Variants in CTNNBL1 observed in about 807,000 individuals in gnomAD.
CTNNBL1 encodes beta-catenin-like protein 1.
A neutral mutation model predicts 72.7 loss-of-function variants in CTNNBL1; 31 were observed. The ratio of observed to expected loss-of-function variants is 0.43; its 90% CI spans 0.32 to 0.58. The LOEUF (loss-of-function observed/expected upper bound fraction) is 0.58. CTNNBL1 is among the 20% of genes least tolerant of loss of function. CTNNBL1 has a pLI of 0.08. For synonymous variants in CTNNBL1, 240 were observed against 267.3 expected, an observed-to-expected ratio of 0.90 and a Z score of 1.00; for missense variants, 534 against 725.1, an observed-to-expected ratio of 0.74 and a Z score of 3.03.
intron 10 of CTNNBL1, among the ~76,000 whole-genome samples, chr20:37,788,306 AAAG>A (rs1159855381): frequency 6.6e-6 from 1 of 152,158 alleles, no homozygotes; most frequent in African/African-American, 2.4e-5. Context: ...GTATCTAGCA[AAAG>A]ATACACCTTT....
intron 4 of CTNNBL1, among the ~76,000 whole-genome samples, chr20:37,755,403 G>T (rs2073355419): frequency 6.6e-6 from 1 of 152,062 alleles, no homozygotes; most frequent in Non-Finnish European, 1.5e-5. Context: ...TCTGTATCAG[G>T]CATATATGTT....
chr20:37,786,350 G>A (rs2122705023), intron 10 of CTNNBL1, among the ~76,000 whole-genome samples: 1 of 152,316 alleles, frequency 6.6e-6, no homozygotes, highest in South Asian at 2.1e-4. Flanking sequence ...CTTCAGGACA[G>A]CAAGTTCCCC....
At chr20:37,706,403 A>G (rs934479549) in intron 1 of CTNNBL1, among the ~76,000 whole-genome samples, 6 of 152,228 alleles carry the variant, frequency 3.9e-5, no homozygotes, top group Non-Finnish European at 8.8e-5. Flanking sequence ...AAGTTCATGT[A>G]ATATTCTAAA....
At chr20:37,856,560 G>A (rs563056800) in intron 13 of CTNNBL1, among the ~76,000 whole-genome samples, 2 of 152,222 alleles carry the variant, frequency 1.3e-5, no homozygotes, top group South Asian at 2.1e-4. Context: ...GGGCTGGGCT[G>A]GGGTGAGGGG....
intron 1 of CTNNBL1, among the ~76,000 whole-genome samples, chr20:37,719,077 T>C (rs2073018312): frequency 6.6e-6 from 1 of 152,208 alleles, no homozygotes; most frequent in African/African-American, 2.4e-5. Context: ...CTGAATATCC[T>C]TGATGCCACC....
chr20:37,867,409 C>G (rs924709525), intron 15 of CTNNBL1, among the ~76,000 whole-genome samples: 12 of 152,252 alleles, frequency 7.9e-5, no homozygotes, highest in Non-Finnish European at 1.6e-4. Context: ...CCCCAGTGCC[C>G]CCTCCCTCTC....
chr20:37,802,101 A>G (rs2073828181), intron 10 of CTNNBL1, among the ~76,000 whole-genome samples: 1 of 152,258 alleles, frequency 6.6e-6, no homozygotes. Context: ...CATAATAGCC[A>G]AAGGGTGGAA....
intron 7 of CTNNBL1, among the ~76,000 whole-genome samples, chr20:37,768,797 CTG>C (rs1409331866): frequency 1.3e-5 from 2 of 151,954 alleles, no homozygotes; most frequent in East Asian, 3.9e-4. Context: ...TCTTTTGAAA[CTG>C]AGTCTCACTC....
chr20:37,739,078 CTGTGTGTGTGTGTGTGTGTGTGTG>C (rs34184566), intron 3 of CTNNBL1, among the ~76,000 whole-genome samples: 2 of 147,342 alleles, frequency 1.4e-5, no homozygotes, highest in Non-Finnish European at 3.0e-5. Flanking sequence ...TACAGGAGCA[CTGTGTGTGTGTGTGTGTGTGTGTG>C]TGTGTGTGTG....
chr20:37,742,925 T>C (rs968916937), intron 3 of CTNNBL1, among the ~76,000 whole-genome samples: 2 of 152,080 alleles, frequency 1.3e-5, no homozygotes, highest in African/African-American at 4.8e-5. Flanking sequence ...TGCCTCAGCT[T>C]CTCGAGTAGC....
intron 3 of CTNNBL1, among the ~76,000 whole-genome samples, chr20:37,742,028 G>A (rs1242943300): frequency 6.6e-6 from 1 of 151,928 alleles, no homozygotes; most frequent in African/African-American, 2.4e-5. Context: ...ATCCCAGTGA[G>A]AAGGATCTAA....
intron 11 of CTNNBL1, among the ~76,000 whole-genome samples, chr20:37,833,728 G>A (rs979727056): frequency 4.6e-5 from 7 of 152,192 alleles, no homozygotes; most frequent in Admixed American, 2.6e-4. Context: ...TCGAAATGAC[G>A]GAGCAGCTGA....
intron 11 of CTNNBL1, among the ~76,000 whole-genome samples, chr20:37,809,213 A>G (rs1320955930): frequency 6.6e-6 from 1 of 152,192 alleles, no homozygotes. Flanking sequence ...TTACCACAAA[A>G]CTATATTACA....
intron 10 of CTNNBL1, among the ~76,000 whole-genome samples, chr20:37,793,906 G>A (rs1419929970): frequency 1.3e-5 from 2 of 152,054 alleles, no homozygotes; most frequent in African/African-American, 2.4e-5. Context: ...TCAGCCTCCC[G>A]AGTAGCTGGG....
At chr20:37,714,923 A>C (rs1259503013) in intron 1 of CTNNBL1, among the ~76,000 whole-genome samples, 2 of 152,186 alleles carry the variant, frequency 1.3e-5, no homozygotes, top group Non-Finnish European at 2.9e-5. Context: ...GTCCAGGGTC[A>C]CACACTAGTG....
intron 11 of CTNNBL1, among the ~76,000 whole-genome samples, chr20:37,838,168 CGTT>C (rs1030626766): frequency 1.3e-5 from 2 of 152,186 alleles, no homozygotes; most frequent in African/African-American, 4.8e-5. Context: ...AACAGCCTGA[CGTT>C]AGAAGCAGCA....
chr20:37,714,002 C>T (rs762082945), intron 1 of CTNNBL1, among the ~76,000 whole-genome samples: 10 of 151,888 alleles, frequency 6.6e-5, no homozygotes, highest in Non-Finnish European at 1.2e-4. Flanking sequence ...GGTAACTTGC[C>T]CAAAGATACC....
intron 11 of CTNNBL1, among the ~76,000 whole-genome samples, chr20:37,812,395 T>C (rs1375720891): frequency 6.6e-6 from 1 of 152,204 alleles, no homozygotes; most frequent in Non-Finnish European, 1.5e-5. Context: ...ACTTTATATG[T>C]GGATAGGCTG....
At chr20:37,700,194 A>G (rs1360694593) in intron 1 of CTNNBL1, among the ~76,000 whole-genome samples, 1 of 152,010 alleles carries the variant, frequency 6.6e-6, no homozygotes, top group African/African-American at 2.4e-5. Flanking sequence ...CTTTCTATAC[A>G]TCATTTTTTT....
Sources: allele counts gnomAD v4.1 joint callset (sites outside exome capture counted in the v4.1 genomes callset), GRCh38; gene constraint gnomAD v4.1.1; transcripts MANE v1.5; gene names NCBI Gene and HGNC (gene_info 2026-07-23, HGNC 2026-07-21).